UTRN: variants seen among roughly 807,000 people sequenced by gnomAD.
UTRN encodes utrophin.
A neutral mutation model predicts 463.9 loss-of-function variants in UTRN; 283 were observed. The observed-to-expected ratio is 0.61, with a 90% CI of 0.55 to 0.67. UTRN has a LOEUF of 0.67. UTRN is among the 30% of genes least tolerant of loss of function. The pLI is 0.00. For synonymous variants in UTRN, 1,442 were observed against 1,431.5 expected (o/e 1.01, Z -0.17); for missense variants, 3,922 against 4,084.3 (o/e 0.96, Z 1.08).
intron 2 of UTRN, among the ~76,000 whole-genome samples, chr6:144,352,697 A>T (rs1473478714): frequency 6.6e-6 from 1 of 152,224 alleles, no homozygotes; most frequent in Non-Finnish European, 1.5e-5. Context: ...TTACGCTGCA[A>T]CATTTCTGAG....
At chr6:144,779,025 T>C (rs1445759970) in intron 60 of UTRN, among the ~76,000 whole-genome samples, 1 of 152,180 alleles carries the variant, frequency 6.6e-6, no homozygotes, top group Non-Finnish European at 1.5e-5. Context: ...GACATGATAG[T>C]CTGTGGGATG....
chr6:144,644,945 C>G (rs1181882530), intron 51 of UTRN, among the ~76,000 whole-genome samples: 2 of 152,124 alleles, frequency 1.3e-5, no homozygotes, highest in East Asian at 3.8e-4. Flanking sequence ...CATCAATGAG[C>G]TAATGTGGAT....
chr6:144,772,902 G>A (rs1794238365), intron 59 of UTRN, among the ~76,000 whole-genome samples: 1 of 151,562 alleles, frequency 6.6e-6, no homozygotes, highest in African/African-American at 2.4e-5. Flanking sequence ...AACAGCACCC[G>A]AAGCCTCCCT....
At chr6:144,448,090 T>A (rs1017307071) in intron 16 of UTRN, among the ~76,000 whole-genome samples, 1 of 152,224 alleles carries the variant, frequency 6.6e-6, no homozygotes, top group African/African-American at 2.4e-5. Context: ...AACATTGGTT[T>A]GTAGACAGAT....
chr6:144,377,979 A>G lies in UTRN; in HGVS notation c.80-25144A>G, dbSNP rs536719949. Among the ~76,000 whole-genome samples the G allele has an allele frequency of 7.3e-4, 111 of 152,214 alleles. 1 individual carries two copies. Among genetic ancestry groups the G allele is most frequent in the Non-Finnish European group, 1.3e-4 (9 of 68,030 alleles). ...TAAAATGTTCCCATTTAGATCAATC[A>G]GGGGCCAATTTAATTTTCTAATGAA... On this transcript the variant is annotated intron_variant, in intron 2 of 74. Transcript: ENST00000367545.
chr6:144,828,465 T>G (rs530805453), intron 68 of UTRN, among the ~76,000 whole-genome samples: 3 of 152,284 alleles, frequency 2.0e-5, no homozygotes, highest in Non-Finnish European at 4.4e-5. Flanking sequence ...AACATCATTT[T>G]ATTTGTTTGA....
At chr6:144,629,258 A>G (rs1028244641) in intron 51 of UTRN, among the ~76,000 whole-genome samples, 3 of 151,988 alleles carry the variant, frequency 2.0e-5, no homozygotes, top group Admixed American at 1.3e-4. Context: ...AAGGATGTGT[A>G]GTAAAAAATC....
chr6:144,727,853 G>A (rs1254160629), intron 53 of UTRN, among the ~76,000 whole-genome samples: 1 of 152,140 alleles, frequency 6.6e-6, no homozygotes, highest in East Asian at 1.9e-4. Flanking sequence ...CACTTGGGAG[G>A]CCAAGGCAGG....
intron 2 of UTRN, among the ~76,000 whole-genome samples, chr6:144,332,296 C>T (rs963669200): frequency 1.1e-4 from 17 of 152,186 alleles, no homozygotes; most frequent in African/African-American, 3.6e-4. Flanking sequence ...GTCTTGTTCA[C>T]GATTGTGTCC....
intron 14 of UTRN, among the ~76,000 whole-genome samples, chr6:144,445,566 CCG>C (rs1491155640): frequency 6.8e-6 from 1 of 147,914 alleles, no homozygotes; most frequent in African/African-American, 2.6e-5. Flanking sequence ...ACTTCCCCCC[CCG>C]CCCTCAATCT....
At chr6:144,692,793 A>G (rs1402329653) in intron 52 of UTRN, among the ~76,000 whole-genome samples, 4 of 151,990 alleles carry the variant, frequency 2.6e-5, no homozygotes, top group Non-Finnish European at 5.9e-5. Flanking sequence ...TCAATATTAG[A>G]CCTTTGTCAG....
intron 35 of UTRN, among the ~76,000 whole-genome samples, chr6:144,513,466 C>T (rs1264551229): frequency 6.6e-6 from 1 of 152,124 alleles, no homozygotes; most frequent in African/African-American, 2.4e-5. Flanking sequence ...AGGAGAATCA[C>T]TTGAACCTGG....
At chr6:144,662,232 C>A (rs989978008) in intron 51 of UTRN, among the ~76,000 whole-genome samples, 3 of 152,130 alleles carry the variant, frequency 2.0e-5, no homozygotes, top group African/African-American at 7.2e-5. Flanking sequence ...CGTATTCTTA[C>A]AAAATCTGTC....
intron 13 of UTRN, among the ~76,000 whole-genome samples, chr6:144,443,033 A>G (rs1787326914): frequency 6.6e-6 from 1 of 152,218 alleles, no homozygotes; most frequent in Admixed American, 6.5e-5. Context: ...GTAGATTAAT[A>G]TGTGAATTTC....
intron 23 of UTRN, 69 bp from the exon 24 acceptor site, chr6:144,473,651 G>A (rs998866093): frequency 2.5e-6 from 3 of 1,188,480 alleles, no homozygotes; most frequent in African/African-American, 3.0e-5. Context: ...TCCAGTGGCG[G>A]TAGATCTTGA....
intron 19 of UTRN, among the ~76,000 whole-genome samples, chr6:144,457,260 G>C (rs1584866084): frequency 6.6e-6 from 1 of 152,202 alleles, no homozygotes; most frequent in Non-Finnish European, 1.5e-5. Context: ...AAAATGAATG[G>C]CTTGTAAGAC....
chr6:144,411,576 A>AT (rs1273373157), intron 3 of UTRN, among the ~76,000 whole-genome samples: 1 of 152,062 alleles, frequency 6.6e-6, no homozygotes, highest in Non-Finnish European at 1.5e-5. Flanking sequence ...CGAGGTAAAC[A>AT]TTCTGTTACA....
At chr6:144,477,901 A>G (rs1791413398) in intron 25 of UTRN, among the ~76,000 whole-genome samples, 2 of 152,096 alleles carry the variant, frequency 1.3e-5, no homozygotes, top group Non-Finnish European at 1.5e-5. Flanking sequence ...CTATCTATCT[A>G]TCTATCTATC....
At chr6:144,410,994 A>G (rs1783849929) in intron 3 of UTRN, among the ~76,000 whole-genome samples, 2 of 152,162 alleles carry the variant, frequency 1.3e-5, no homozygotes, top group African/African-American at 4.8e-5. Context: ...GGCTGGTTCC[A>G]TGTTTTTGCA....
Sources: gnomAD v4.1 joint callset for allele counts (sites outside exome capture counted in the v4.1 genomes callset) on GRCh38, gnomAD v4.1.1 for gene constraint, MANE v1.5 for transcripts, NCBI Gene and HGNC (gene_info 2026-07-23, HGNC 2026-07-21) for gene names.